The following SNW1 variants were observed in gnomAD, a reference collection of about 807,000 sequenced individuals.
SNW1 encodes the protein SNW domain containing 1, also known as SNW domain-containing protein 1.
Under a neutral mutation model 75.6 loss-of-function variants are expected in SNW1, and 9 were observed. The ratio of observed to expected loss-of-function variants is 0.12; its 90% confidence interval spans 0.07 to 0.21. SNW1 has a LOEUF of 0.21. Ranked by LOEUF, SNW1 falls within the 10% of genes least tolerant of loss-of-function variation. The probability of loss-of-function intolerance (pLI) is 1.00; values close to 1 mark genes in which losing one functional copy is unlikely to be tolerated. For missense variants in SNW1, 409 were observed against 670.9 expected (o/e 0.61, Z 4.31); for synonymous variants, 200 against 219.1 (o/e 0.91, Z 0.77).
At chr14:77,727,520 G>T (rs1162498394) in intron 10 of SNW1, among the ~76,000 whole-genome samples, 1 of 152,130 alleles carries the variant, frequency 6.6e-6, no homozygotes, top group Non-Finnish European at 1.5e-5. Context: ...GTCAGCTGTG[G>T]GTTTGTCATA....
chr14:77,742,931 A>G (rs1566832984), intron 3 of SNW1, among the ~76,000 whole-genome samples: 1 of 151,578 alleles, frequency 6.6e-6, no homozygotes, highest in Admixed American at 6.6e-5. Context: ...CTTTATTTCA[A>G]GATTTATCAC....
At chr14:77,756,101 A>G (rs1335170151) in intron 1 of SNW1, among the ~76,000 whole-genome samples, 23 of 151,860 alleles carry the variant, frequency 1.5e-4, no homozygotes, top group Admixed American at 1.5e-3. Flanking sequence ...TAAACTGTCC[A>G]GTATATACTT....
At chr14:77,755,388 AACAG>A (rs774334935) in intron 1 of SNW1, among the ~76,000 whole-genome samples, 1 of 152,204 alleles carries the variant, frequency 6.6e-6, no homozygotes, top group Non-Finnish European at 1.5e-5. Flanking sequence ...TATTTCACAT[AACAG>A]ACAAACTCTT....
In SNW1 at chr14:77,719,433, C is replaced by A. The variant is rs926775815; in HGVS notation, c.1249-903G>T. Among the ~76,000 whole-genome samples the A allele has an allele frequency of 9.2e-5, 14 of 152,030 alleles. 1 individual carries two copies. Among genetic ancestry groups the A allele is most frequent in the Admixed American group, 6.6e-4 (10 of 15,262 alleles). On this transcript the variant is annotated intron_variant, in intron 12 of 13. Transcript: ENST00000261531. ...CAGGAGGATCACGAGGTCAGGAGTTCAAGACCCGCTTGACCCAACGTGATG... is the reference window on the plus strand; with the variant it reads ...CAGGAGGATCACGAGGTCAGGAGTTAAAGACCCGCTTGACCCAACGTGATG...
At chr14:77,739,877 G>A (rs2080703313) in intron 3 of SNW1, among the ~76,000 whole-genome samples, 1 of 152,056 alleles carries the variant, frequency 6.6e-6, no homozygotes, top group Non-Finnish European at 1.5e-5. Context: ...GCTCACGCCT[G>A]TAATCCCAGC....
At chr14:77,737,791 G>T (rs1744467481) in intron 5 of SNW1, among the ~76,000 whole-genome samples, 2 of 152,142 alleles carry the variant, frequency 1.3e-5, no homozygotes, top group East Asian at 3.9e-4. Flanking sequence ...AGGAGTTTGA[G>T]ACCAGCCTTG....
At chr14:77,754,072 T>C (rs2080827170) in intron 2 of SNW1, among the ~76,000 whole-genome samples, 1 of 151,906 alleles carries the variant, frequency 6.6e-6, no homozygotes, top group South Asian at 2.1e-4. Context: ...GAGATGGAGT[T>C]TTGCTGTTGT....
chr14:77,734,979 G>C lies in SNW1; in HGVS notation c.742C>G (p.Pro248Ala). 1 of 1,611,928 alleles carries C rather than the reference G, an allele frequency of 6.2e-7. No homozygotes were observed. Among genetic ancestry groups the C allele is most frequent in the Non-Finnish European group, 8.5e-7 (1 of 1,178,182 alleles). ...TTTTTCCAGTTAGAAATACAAGGAGGAATCTTCCACTCTTGTTGTTCCTTT... is the reference window on the plus strand; with the variant it reads ...TTTTTCCAGTTAGAAATACAAGGAGCAATCTTCCACTCTTGTTGTTCCTTT... ...TVKEQQEWKI[P>A]PCISNWKNAK... Residue 248 changes from proline (P) to alanine (A), a missense_variant, in exon 8 of 14, where the codon CCT becomes GCT. Transcript: ENST00000261531.
intron 10 of SNW1, among the ~76,000 whole-genome samples, chr14:77,723,578 A>C (rs1170692818): frequency 6.6e-6 from 1 of 151,928 alleles, no homozygotes; most frequent in African/African-American, 2.4e-5. Flanking sequence ...CTCAAACTCC[A>C]GGCTCTAGTG....
intron 11 of SNW1, among the ~76,000 whole-genome samples, chr14:77,722,198 A>G (rs561348608): frequency 6.6e-6 from 1 of 152,240 alleles, no homozygotes; most frequent in African/African-American, 2.4e-5. Flanking sequence ...CGTTCCCTCT[A>G]CTTTTCAGAA....
intron 10 of SNW1, among the ~76,000 whole-genome samples, chr14:77,725,192 T>G (rs750850170): frequency 6.6e-6 from 1 of 152,254 alleles, no homozygotes; most frequent in African/African-American, 2.4e-5. Flanking sequence ...AAAATCAGAT[T>G]ATCTCGTTTC....
At chr14:77,751,805 G>GACACACACACAC (rs61135876) in intron 2 of SNW1, among the ~76,000 whole-genome samples, 93 of 139,554 alleles carry the variant, frequency 6.7e-4, no homozygotes, top group South Asian at 2.0e-3. Flanking sequence ...GTCATGGGAA[G>GACACACACACAC]ACACACACAC....
At chr14:77,725,237 A>C (rs1395615884) in intron 10 of SNW1, among the ~76,000 whole-genome samples, 3 of 152,294 alleles carry the variant, frequency 2.0e-5, no homozygotes, top group Non-Finnish European at 4.4e-5. Flanking sequence ...CTGGTTATTA[A>C]TTCTTTCTTA....
At chr14:77,721,099 A>C in intron 11 of SNW1, 1 of 382,802 alleles carries the variant, frequency 2.6e-6, no homozygotes, top group Non-Finnish European at 4.8e-6. Context: ...ATAAGCAATC[A>C]CCTTACAACC....
At position 77,733,754 on chromosome 14, in the gene SNW1, A is replaced by C. The variant is rs1318128308; in HGVS notation, c.775-1153T>G. On this transcript the variant is annotated intron_variant, in intron 8 of 13. Coordinates refer to ENST00000261531, the MANE Select transcript of SNW1 (RefSeq NM_012245.3). ...AGCGAGACCGTCTCAAAAAAAAAAA[A>C]AAAAAAAAAAAAAACCAAAGAAAAA... 1.1e-4 allele frequency among the ~76,000 whole-genome samples: 17 copies of C among 150,374 alleles called. No individual in the cohort carries two copies. The East Asian group carries it at 3.3e-3, about 29-fold the overall frequency.
At chr14:77,749,456 C>T (rs553357651) in intron 3 of SNW1, among the ~76,000 whole-genome samples, 20 of 152,238 alleles carry the variant, frequency 1.3e-4, no homozygotes, top group African/African-American at 4.6e-4. Context: ...AGTAGGTACT[C>T]AGGGAAAAGC....
intron 1 of SNW1, among the ~76,000 whole-genome samples, chr14:77,760,339 G>C (rs989757865): frequency 2.6e-5 from 4 of 152,140 alleles, no homozygotes; most frequent in African/African-American, 9.7e-5. Context: ...TAACCTTCCT[G>C]AACACTAGCC....
At chr14:77,759,859 T>A (rs1270811026) in intron 1 of SNW1, among the ~76,000 whole-genome samples, 2 of 151,986 alleles carry the variant, frequency 1.3e-5, no homozygotes, top group Non-Finnish European at 1.5e-5. Flanking sequence ...GGCTCATGCC[T>A]GTAATCCTAG....
At position 77,742,271 on chromosome 14, in the gene SNW1, G is replaced by A. The variant is rs545214927; in HGVS notation, c.331-3210C>T. 1.8e-4 allele frequency among the ~76,000 whole-genome samples: 28 copies of A among 152,034 alleles called. 1 individual carries two copies. The highest frequency in any genetic ancestry group is 6.5e-4 in the African/African-American group (27 of 41,494). ...GGCTGGTCTCGATCTCCTGACCTCA[G>A]GCGATCCACCCGCCTCGGCCTCCCA... On this transcript the variant is annotated intron_variant, in intron 3 of 13. Coordinates refer to ENST00000261531, the MANE Select transcript of SNW1 (RefSeq NM_012245.3).
Sources: gnomAD v4.1 joint callset for allele counts (sites outside exome capture counted in the v4.1 genomes callset) on GRCh38, gnomAD v4.1.1 for gene constraint, MANE v1.5 for transcripts, NCBI Gene and HGNC (gene_info 2026-07-23, HGNC 2026-07-21) for gene names.